FAT3: variants seen among roughly 807,000 people sequenced by gnomAD.
The protein encoded by FAT3 is FAT atypical cadherin 3.
FAT3 carries 95 observed loss-of-function variants against 310.2 expected under a neutral mutation model. The observed-to-expected ratio is 0.31, with a 90% CI of 0.26 to 0.36. The LOEUF is 0.36. FAT3 is among the 10% of genes least tolerant of loss of function. FAT3 has a pLI of 1.00. For missense variants in FAT3, 5,408 were observed against 5,715.6 expected (o/e 0.95, Z 1.74); for synonymous variants, 2,314 against 2,192.9 (o/e 1.06, Z -1.54).
intron 1 of FAT3, among the ~76,000 whole-genome samples, chr11:92,340,643 T>G (rs1234952030): frequency 2.0e-5 from 3 of 152,168 alleles, no homozygotes; most frequent in Non-Finnish European, 4.4e-5. Context: ...GGAAGTCACT[T>G]CATTGGCCAT....
chr11:92,485,171 A>G (rs1952341446), intron 2 of FAT3, among the ~76,000 whole-genome samples: 1 of 152,252 alleles, frequency 6.6e-6, no homozygotes, highest in African/African-American at 2.4e-5. Flanking sequence ...ACAATAATGT[A>G]ATGAAAACAG....
Position 92,801,418 on chromosome 11 carries a change from T to C in FAT3, c.8405T>C (p.Ile2802Thr). ...ATTGTGTTTACTGTGGATGTAGATA[T>C]CAAGGTATTGGATTTGAATGACAAC... Reference protein sequence around the residue: ...VDIVFTVDVDIKVLDLNDNKP... With the variant: ...VDIVFTVDVDTKVLDLNDNKP... The change falls in exon 10 of 28, where the codon ATC (isoleucine) becomes ACC (threonine). Residue 2802 changes from isoleucine to threonine, a missense_variant. By Grantham distance (89) the Ile-to-Thr change is moderately conservative. Transcript: ENST00000525166. The C allele has an allele frequency of 6.2e-7, 1 of 1,613,932 alleles. No individual in the cohort carries two copies. The highest frequency in any genetic ancestry group is 8.5e-7 in the Non-Finnish European group (1 of 1,179,870).
At position 92,705,364 on chromosome 11, in the gene FAT3, G is replaced by C. The variant is rs529117510; in HGVS notation, c.3669+7919G>C. Among the ~76,000 whole-genome samples the C allele has an allele frequency of 2.1e-5, 3 of 141,224 alleles. No homozygotes were observed. The South Asian group carries it at 7.2e-4, about 34-fold the overall frequency. 92.6% of individuals were successfully genotyped at this position (141,224 alleles called of 152,430 possible). On this transcript the variant is annotated intron_variant, in intron 4 of 27. Transcript: ENST00000525166. ...TGGTGGTGATGATGGTAGTGTGATG[G>C]TGTTGGTGATGGTGTTGGTGGTGGT...
chr11:92,617,275 C>T (rs1940856805), intron 3 of FAT3, among the ~76,000 whole-genome samples: 3 of 152,194 alleles, frequency 2.0e-5, no homozygotes, highest in Non-Finnish European at 4.4e-5. Context: ...AAATTAGCTA[C>T]TGAAGCTCAT....
At chr11:92,530,619 T>C (rs1954035107) in intron 3 of FAT3, among the ~76,000 whole-genome samples, 1 of 152,182 alleles carries the variant, frequency 6.6e-6, no homozygotes, top group African/African-American at 2.4e-5. Flanking sequence ...AATGTTTGGA[T>C]ACACTTGTAT....
intron 3 of FAT3, among the ~76,000 whole-genome samples, chr11:92,530,986 G>A (rs1200635049): frequency 1.3e-5 from 2 of 151,192 alleles, no homozygotes; most frequent in South Asian, 4.2e-4. Flanking sequence ...GTTGTTTTTT[G>A]TTCTTTGTTT....
chr11:92,338,757 C>T (rs999733910), intron 1 of FAT3, among the ~76,000 whole-genome samples: 4 of 152,204 alleles, frequency 2.6e-5, no homozygotes, highest in Non-Finnish European at 2.9e-5. Context: ...TGGGAACAAA[C>T]GGGGATTCTA....
At chr11:92,701,002 G>A (rs1944081889) in intron 4 of FAT3, among the ~76,000 whole-genome samples, 1 of 152,106 alleles carries the variant, frequency 6.6e-6, no homozygotes, top group South Asian at 2.1e-4. Flanking sequence ...GAATAGAGTT[G>A]TCTGTTATAC....
intron 24 of FAT3, among the ~76,000 whole-genome samples, chr11:92,884,638 A>C (rs1344369054): frequency 1.3e-5 from 2 of 152,326 alleles, no homozygotes; most frequent in East Asian, 1.9e-4. Context: ...TCATGGAGGA[A>C]GGGGATATTC....
At chr11:92,516,677 T>C (rs556581942) in intron 2 of FAT3, among the ~76,000 whole-genome samples, 1 of 152,220 alleles carries the variant, frequency 6.6e-6, no homozygotes, top group East Asian at 1.9e-4. Context: ...GATATTCAAA[T>C]AGGAAGAGAG....
At chr11:92,885,020 G>A (rs1222380092) in intron 24 of FAT3, among the ~76,000 whole-genome samples, 3 of 152,174 alleles carry the variant, frequency 2.0e-5, no homozygotes, top group African/African-American at 7.2e-5. Flanking sequence ...TTGTGCAGAA[G>A]CCAAGAGAAT....
chr11:92,370,212 G>A (rs184123252), intron 2 of FAT3, among the ~76,000 whole-genome samples: 823 of 152,172 alleles, frequency 5.4e-3, no homozygotes, highest in Non-Finnish European at 8.8e-3. Flanking sequence ...TATTAGTAGC[G>A]TATCTTAGAA....
Position 92,834,875 on chromosome 11 carries a change from A to G in FAT3, c.9877A>G (p.Ile3293Val), listed in dbSNP as rs760387858. Residue 3293 changes from isoleucine to valine, a missense_variant, in exon 15 of 28, where the codon ATT (isoleucine) becomes GTT (valine). Ile to Val is a conservative substitution (Grantham distance 29). Coordinates refer to ENST00000525166, the MANE Select transcript of FAT3 (RefSeq NM_001367949.2). The part of the protein sequence containing the change: ...KFKINPKTGG[I>V]SVSEVLDYEL... ...CTCCCCATTTTTCTTCAAAGGGGGT[A>G]TTTCTGTCTCTGAAGTCCTGGACTA... 205 of 1,606,070 alleles carry G rather than the reference A, an allele frequency of 1.3e-4. 1 individual carries two copies. The East Asian group carries it at 4.2e-3, about 33-fold the overall frequency.
At chr11:92,726,859 G>A (rs1945017049) in intron 4 of FAT3, among the ~76,000 whole-genome samples, 1 of 150,936 alleles carries the variant, frequency 6.6e-6, no homozygotes, top group Non-Finnish European at 1.5e-5. Flanking sequence ...CCAAAACAAT[G>A]GAAAGGAAAT....
intron 4 of FAT3, among the ~76,000 whole-genome samples, chr11:92,704,850 C>T (rs1025780455): frequency 6.6e-6 from 1 of 152,190 alleles, no homozygotes; most frequent in African/African-American, 2.4e-5. Flanking sequence ...CCCCTCCTCA[C>T]ACCACCACCT....
chr11:92,573,365 G>A (rs1294494115), intron 3 of FAT3, among the ~76,000 whole-genome samples: 1 of 152,120 alleles, frequency 6.6e-6, no homozygotes, highest in Non-Finnish European at 1.5e-5. Context: ...AAGACTCTCA[G>A]TGGCCCCTAG....
At chr11:92,235,351 C>G (rs571649262) in intron 1 of FAT3, among the ~76,000 whole-genome samples, 1 of 152,254 alleles carries the variant, frequency 6.6e-6, no homozygotes, top group East Asian at 1.9e-4. Flanking sequence ...TACACCTGAC[C>G]TCTTATATGG....
chr11:92,432,527 G>A (rs942349951), intron 2 of FAT3, among the ~76,000 whole-genome samples: 28 of 152,150 alleles, frequency 1.8e-4, no homozygotes, highest in African/African-American at 6.3e-4. Context: ...CCCCTCTTCT[G>A]CAGGTCTGCT....
chr11:92,855,980 C>CTTTTTTTTT (rs58995060), intron 19 of FAT3, among the ~76,000 whole-genome samples: 2 of 129,240 alleles, frequency 1.5e-5, no homozygotes, highest in Non-Finnish European at 3.2e-5. Context: ...GGACAATATG[C>CTTTTTTTTT]TTTTTTTTTT....
Sources: allele counts gnomAD v4.1 joint callset (sites outside exome capture counted in the v4.1 genomes callset), GRCh38; gene constraint gnomAD v4.1.1; transcripts MANE v1.5; gene names NCBI Gene and HGNC (gene_info 2026-07-23, HGNC 2026-07-21).